Variants in LRRC71 observed in about 807,000 individuals in gnomAD.
LRRC71 encodes the protein leucine rich repeat containing 71, also known as leucine-rich repeat-containing protein 71.
Under a neutral mutation model 66.6 loss-of-function variants are expected in LRRC71, and 54 were observed. The ratio of observed to expected loss-of-function variants is 0.81; its 90% CI spans 0.65 to 1.02. The LOEUF (loss-of-function observed/expected upper bound fraction) is 1.02, where lower values mean the gene tolerates loss of function less well. Ranked by LOEUF, LRRC71 falls within the 50% of genes least tolerant of loss-of-function variation. The pLI is 0.00. For synonymous variants in LRRC71, 323 were observed against 303.9 expected (o/e 1.06, Z -0.65); for missense variants, 724 against 718.0 (o/e 1.01, Z -0.10).
At chr1:156,939,925 G>T in the LRRC71 span, 1 of 1,598,690 alleles carries the variant, frequency 6.3e-7, no homozygotes, top group South Asian at 1.1e-5. Flanking sequence ...AGGGGAAACA[G>T]GGTGATGTCT....
chr1:156,936,246 C>T (rs775161078), downstream of LRRC71: 1 of 772,888 alleles, frequency 1.3e-6, no homozygotes, highest in Non-Finnish European at 2.4e-6. Flanking sequence ...GCGCCTAAAG[C>T]CCTTAGGTCA....
intron 1 of LRRC71, 22 bp from the exon 2 acceptor site, chr1:156,923,927 A>G: frequency 6.9e-7 from 1 of 1,448,246 alleles, no homozygotes; most frequent in Non-Finnish European, 9.1e-7. Flanking sequence ...CCCTTCTCTC[A>G]CGCCCCTGCC....
At chr1:156,938,696 A>C in the LRRC71 span, 9 of 512,776 alleles carry the variant, frequency 1.8e-5, no homozygotes, top group East Asian at 3.4e-5. Context: ...CTTTCCACCA[A>C]TTCACCGAGA....
At chr1:156,937,543 C>T (rs1042665505), downstream of LRRC71, 19 of 1,495,886 alleles carry the variant, frequency 1.3e-5, no homozygotes, top group East Asian at 7.2e-5. Context: ...ACAGAGAAGT[C>T]GAAGCTATCC....
At chr1:156,924,285 G>A in intron 2 of LRRC71, 139 bp from the exon 3 acceptor site, 1 of 1,336,294 alleles carries the variant, frequency 7.5e-7, no homozygotes, top group East Asian at 2.5e-5. Flanking sequence ...AGAGGCGCGA[G>A]TGGCCGGAGA....
downstream of LRRC71, chr1:156,937,155 A>T: frequency 6.3e-7 from 1 of 1,585,474 alleles, no homozygotes; most frequent in Non-Finnish European, 8.6e-7. Context: ...GACAGGATCT[A>T]GGGCTCCCGC....
rs1276317401 is a variant in LRRC71 at position 156,924,410 on chromosome 1, C to T, written c.311-14C>T. On this transcript the variant is annotated splice_polypyrimidine_tract_variant and intron_variant, in intron 2 of 14. Transcript: ENST00000337428. ...AGGTGGCTGTTCCCCTCCCTCCTCA[C>T]CTCTGCCTTCCAGACGATCCGCGGC... The T allele has an allele frequency of 6.5e-7, 1 of 1,548,800 alleles. No individual in the cohort carries two copies.
In LRRC71 at chr1:156,924,041, C is replaced by A; in HGVS notation, c.253C>A (p.Pro85Thr). Residue 85 changes from proline to threonine, a missense_variant, in exon 2 of 15, where the codon CCC becomes ACC. Transcript: ENST00000337428. ...GGACTTCCCCAAAGTTGTCAACCGG[C>A]CCCGCCCCCACCCGCCCTTCGTCCC... ...YTDFPKVVNR[P>T]RPHPPFVPSA... 1 of 1,540,294 alleles carries A rather than the reference C, an allele frequency of 6.5e-7. No individual in the cohort carries two copies. The highest frequency in any genetic ancestry group is 1.2e-5 in the South Asian group (1 of 83,504).
chr1:156,939,536 C>A, the LRRC71 span: 1 of 1,608,558 alleles, frequency 6.2e-7, no homozygotes, highest in South Asian at 1.1e-5. Context: ...TGGACACTCC[C>A]ATTTATTTTA....
At chr1:156,935,800 G>GA (rs1488821581), downstream of LRRC71, 2 of 604,880 alleles carry the variant, frequency 3.3e-6, no homozygotes, top group South Asian at 2.2e-5. Flanking sequence ...CTAAGGGAGG[G>GA]AAAAGACACT....
At chr1:156,932,657 G>C (rs759463484) in intron 14 of LRRC71, 112 bp downstream of exon 14, 1 of 1,608,852 alleles carries the variant, frequency 6.2e-7, no homozygotes, top group African/African-American at 1.3e-5. Context: ...AAGGTCTGTA[G>C]TTTCTCTGCT....
Position 156,932,058 on chromosome 1 carries a change from T to C in LRRC71, c.1441+31T>C, listed in dbSNP as rs768916936. 6 of 1,522,748 alleles carry C rather than the reference T, an allele frequency of 3.9e-6. 1 individual carries two copies. The South Asian group carries it at 5.9e-5, about 15-fold the overall frequency. 94.3% of individuals were successfully genotyped at this position (1,522,748 alleles called of 1,614,324 possible). ...TCTGCCAACCTCCCCTGTCCTCCTG[T>C]CATGAGGCTACCCGGGCCCTGTCCT... On this transcript the variant is annotated intron_variant, in intron 13 of 14. Coordinates refer to ENST00000337428, the MANE Select transcript of LRRC71 (RefSeq NM_144702.3).
the LRRC71 span, chr1:156,939,131 G>A: frequency 1.6e-5 from 4 of 244,482 alleles, no homozygotes; most frequent in Admixed American, 5.4e-5. Flanking sequence ...GTTGCCTGGC[G>A]TGAGGGGCTG....
In LRRC71 at chr1:156,920,996, T is replaced by G; in HGVS notation, c.160+33T>G. On this transcript the variant is annotated intron_variant, in intron 1 of 14. Coordinates refer to ENST00000337428, the MANE Select transcript of LRRC71 (RefSeq NM_144702.3). This position sits in a 1 kb window ranked among gnomAD's most constrained non-coding sequence, Gnocchi z 4.9. Reference sequence around the variant, plus strand: ...GGCGCCGGGGTTTGGGGATCGGGCTTCCAGGCTGCGTCTTCCCGGGTTCCC... The same window carrying G: ...GGCGCCGGGGTTTGGGGATCGGGCTGCCAGGCTGCGTCTTCCCGGGTTCCC... 1 of 1,472,284 alleles carries G rather than the reference T, an allele frequency of 6.8e-7. No homozygotes were observed. Among genetic ancestry groups the G allele is most frequent in the Non-Finnish European group, 9.0e-7 (1 of 1,105,328 alleles). The allele number at this position is 1,472,284 out of a possible 1,614,324, so 91.2% of individuals were successfully genotyped here. A position where few individuals can be genotyped will look rare whatever the true frequency, so the allele number is the denominator to read the frequency against.
chr1:156,937,564 G>C (rs1655742164), downstream of LRRC71: 2 of 1,474,252 alleles, frequency 1.4e-6, no homozygotes, highest in African/African-American at 1.4e-5. Context: ...TCCCGTTCCT[G>C]TGGGATTCCC....
downstream of LRRC71, chr1:156,937,260 T>A (rs1173876549): frequency 1.9e-6 from 3 of 1,613,938 alleles, no homozygotes; most frequent in Non-Finnish European, 1.7e-6. Flanking sequence ...TTGAGCCTGT[T>A]GAGCTTGAGA....
At chr1:156,921,089 G>C (rs1399262075) in intron 1 of LRRC71, 126 bp downstream of exon 1, 12 of 1,160,264 alleles carry the variant, frequency 1.0e-5, no homozygotes, top group Non-Finnish European at 1.3e-5. Context: ...CCTGAATCTC[G>C]GCTTGATAGA....
intron 11 of LRRC71, among the ~76,000 whole-genome samples, chr1:156,930,248 A>G (rs1654163980): frequency 6.6e-6 from 1 of 151,326 alleles, no homozygotes; most frequent in East Asian, 2.0e-4. Context: ...GCGTGCCACC[A>G]CGCCCAGCTA....
rs1653497228 is a variant in LRRC71, at chr1:156,927,964, G to A, written c.956G>A (p.Arg319His). The change falls in exon 9 of 15, where the codon CGC (arginine) becomes CAC (histidine). Residue 319 changes from arginine to histidine, a missense_variant. Arg to His is a conservative substitution (Grantham distance 29). Coordinates refer to ENST00000337428, the MANE Select transcript of LRRC71 (RefSeq NM_144702.3). The part of the protein sequence containing the change: ...LTHTEVVERR[R>H]LLLEKGTQER... ...CACACCGAAGTGGTGGAGCGCCGAC[G>A]CCTCCTGCTGGAAAAAGGGACACAG... 2 of 1,610,828 alleles carry A rather than the reference G, an allele frequency of 1.2e-6. No homozygotes were observed. Among genetic ancestry groups the A allele is most frequent in the African/African-American group, 1.3e-5 (1 of 75,010 alleles).
Sources: gnomAD v4.1 joint callset for allele counts (sites outside exome capture counted in the v4.1 genomes callset) on GRCh38, gnomAD v4.1.1 for gene constraint, Gnocchi (gnomAD v3.1) non-coding constraint, MANE v1.5 for transcripts, NCBI Gene and HGNC (gene_info 2026-07-23, HGNC 2026-07-21) for gene names.